The following SERBP1 variants were observed in gnomAD, a reference collection of about 807,000 sequenced individuals.
SERBP1 encodes the protein SERPINE1 mRNA binding protein 1.
Under a neutral mutation model 50.2 loss-of-function variants are expected in SERBP1, and 6 were observed. The ratio of observed to expected loss-of-function variants is 0.12; its 90% CI spans 0.07 to 0.24. SERBP1 has a LOEUF of 0.24. Among genes scored for constraint, SERBP1 ranks in the 10% least tolerant of loss-of-function variants. The pLI, the probability that SERBP1 is intolerant of heterozygous loss-of-function variation, is 1.00. For synonymous variants in SERBP1, 168 were observed against 182.8 expected, an observed-to-expected ratio of 0.92 and a Z score of 0.65; for missense variants, 346 against 524.9, an observed-to-expected ratio of 0.66 and a Z score of 3.33.
At chr1:67,418,478 C>A (rs1667097579) in intron 6 of SERBP1, among the ~76,000 whole-genome samples, 1 of 152,060 alleles carries the variant, frequency 6.6e-6, no homozygotes, top group South Asian at 2.1e-4. Context: ...TGCTTATTGG[C>A]TGGGCATGGT....
rs531555581 is a variant in SERBP1 at position 67,420,246 on chromosome 1, T to A, written c.774-60A>T. 6.7e-4 allele frequency: 858 copies of A among 1,284,470 alleles called. 7 individuals carry two copies. The highest frequency in any genetic ancestry group is 3.9e-5 in the Non-Finnish European group (36 of 929,986). The allele number at this position is 1,284,470 out of a possible 1,614,324, so 79.6% of individuals were successfully genotyped here. A position where few individuals can be genotyped will look rare whatever the true frequency, so the allele number is the denominator to read the frequency against. ...AGAGCTGATATTACATAAAAGTATT[T>A]TAAATTTATGATTTTAATTGAGAAA... On this transcript the variant is annotated intron_variant, in intron 5 of 7. Transcript: ENST00000361219.
intron 1 of SERBP1, among the ~76,000 whole-genome samples, 198 bp from the exon 2 acceptor site, chr1:67,426,483 C>T (rs1194328388): frequency 2.6e-5 from 4 of 152,120 alleles, no homozygotes; most frequent in Admixed American, 6.5e-5. Context: ...CCAATCCATA[C>T]CACCGACTAA....
chr1:67,426,534 AACTTCTATTT>A (rs1444930377), intron 1 of SERBP1, among the ~76,000 whole-genome samples: 1 of 152,258 alleles, frequency 6.6e-6, no homozygotes, highest in African/African-American at 2.4e-5. Flanking sequence ...ACTTATTTTA[AACTTCTATTT>A]AAGTTTGCCA....
At chr1:67,414,398 C>T (rs1024917772) in intron 7 of SERBP1, among the ~76,000 whole-genome samples, 1 of 152,006 alleles carries the variant, frequency 6.6e-6, no homozygotes. Context: ...GAGGGAGGAA[C>T]AAAGTATCAT....
chr1:67,428,808 C>A (rs1034230265), intron 1 of SERBP1, among the ~76,000 whole-genome samples: 12 of 150,478 alleles, frequency 8.0e-5, no homozygotes, highest in African/African-American at 2.7e-4. Flanking sequence ...AAAATTAGTT[C>A]ACTGTTACAG....
chr1:67,411,785 AAAC>A lies in SERBP1; in HGVS notation c.*1419_*1421del, dbSNP rs1221558659. ...AGAACATTTCTAAAAATGACGTGAC[AAAC>A]AATTCTTAAAAATTTTTTAAAAATT... On this transcript the variant is annotated 3_prime_UTR_variant, in exon 8 of 8. Transcript: ENST00000361219. 1 of 152,210 alleles carries A rather than the reference AAAC, an allele frequency of 6.6e-6. No individual in the cohort carries two copies. 9.4% of individuals were successfully genotyped at this position (152,210 alleles called of 1,614,324 possible). A position where few individuals can be genotyped will look rare whatever the true frequency, so the allele number is the denominator to read the frequency against.
intron 7 of SERBP1, among the ~76,000 whole-genome samples, chr1:67,413,579 G>A (rs1449378572): frequency 6.7e-6 from 1 of 150,216 alleles, no homozygotes; most frequent in Non-Finnish European, 1.5e-5. Flanking sequence ...AACCTGGGAG[G>A]CAAGGGTTGC....
chr1:67,426,126 A>T lies in SERBP1; in HGVS notation c.464+9T>A. ...CAAGACCCTGGCTCAAAAACAAGAA[A>T]CAACTTACCTATCAACTGAAAATTC... On this transcript the variant is annotated intron_variant, in intron 2 of 7. Transcript: ENST00000361219. The T allele has an allele frequency of 6.3e-7, 1 of 1,599,858 alleles. No individual in the cohort carries two copies. Among genetic ancestry groups the T allele is most frequent in the Non-Finnish European group, 8.5e-7 (1 of 1,174,862 alleles).
rs1301063307 is a variant in SERBP1, at chr1:67,413,187, G to C, written c.*20C>G. ...ACAGAAGGGTTCACAAAGGAACCAG[G>C]GTTGTCTTATGGCATCCAGTTAAGC... is the stretch of plus-strand genomic sequence containing the variant. On this transcript the variant is annotated 3_prime_UTR_variant, in exon 8 of 8. Transcript: ENST00000361219. 6.3e-7 allele frequency: 1 copy of C among 1,590,948 alleles called. No individual in the cohort carries two copies. The highest frequency in any genetic ancestry group is 8.5e-7 in the Non-Finnish European group (1 of 1,171,282).
At chr1:67,413,461 C>A (rs924672804) in intron 7 of SERBP1, among the ~76,000 whole-genome samples, 198 bp from the exon 8 acceptor site, 31 of 152,032 alleles carry the variant, frequency 2.0e-4, no homozygotes, top group African/African-American at 6.0e-4. Context: ...CCAGCCTGGC[C>A]AACATGGTGA....
chr1:67,415,364 G>A (rs1406006319), intron 6 of SERBP1, 25 bp from the exon 7 acceptor site: 1 of 1,514,566 alleles, frequency 6.6e-7, no homozygotes, highest in Non-Finnish European at 8.8e-7. Flanking sequence ...GAAGATGATT[G>A]TGTTATTAGT....
At chr1:67,416,568 G>A (rs984421674) in intron 6 of SERBP1, among the ~76,000 whole-genome samples, 5 of 152,116 alleles carry the variant, frequency 3.3e-5, no homozygotes, top group African/African-American at 1.2e-4. Context: ...TTTCTAAAGG[G>A]ATAAAGAACA....
chr1:67,430,051 G>C lies in SERBP1; in HGVS notation c.250C>G (p.Pro84Ala). Reference sequence around the variant, plus strand: ...TTCTTGTCAACCACGCCAACGCTGGGGGGCAGCGGGTTCTTGCGGTCTTTC... The same window carrying C: ...TTCTTGTCAACCACGCCAACGCTGGCGGGCAGCGGGTTCTTGCGGTCTTTC... ...SQKDRKNPLP[P>A]SVGVVDKKEE... is the part of the protein sequence containing the mutation. Residue 84 changes from proline (P) to alanine (A), a missense_variant, in exon 1 of 8, where the codon CCC becomes GCC. Coordinates refer to ENST00000361219, the MANE Select transcript of SERBP1 (RefSeq NM_001018069.2). The C allele has an allele frequency of 6.2e-7, 1 of 1,613,728 alleles. No homozygotes were observed. The highest frequency in any genetic ancestry group is 8.5e-7 in the Non-Finnish European group (1 of 1,179,816).
At chr1:67,415,454 A>C (rs1334616323) in intron 6 of SERBP1, 115 bp from the exon 7 acceptor site, 1 of 1,046,460 alleles carries the variant, frequency 9.6e-7, no homozygotes, top group Non-Finnish European at 1.4e-6. Context: ...ACTTTCTGTG[A>C]ACAAATGTCT....
chr1:67,426,434 G>C (rs1226181440), intron 1 of SERBP1, 149 bp from the exon 2 acceptor site: 7 of 606,492 alleles, frequency 1.2e-5, no homozygotes, highest in Non-Finnish European at 1.8e-5. Context: ...GTGTAACAAA[G>C]TACCTTAGGA....
intron 1 of SERBP1, among the ~76,000 whole-genome samples, chr1:67,426,671 T>C (rs899524927): frequency 1.3e-5 from 2 of 152,226 alleles, no homozygotes; most frequent in Non-Finnish European, 2.9e-5. Context: ...TAAAAAATTT[T>C]AGGCAAGCAA....
intron 5 of SERBP1, among the ~76,000 whole-genome samples, chr1:67,422,209 T>C (rs1667220829): frequency 6.6e-6 from 1 of 152,070 alleles, no homozygotes; most frequent in African/African-American, 2.4e-5. Context: ...TAAGAGCAAA[T>C]TCTTTCTGAA....
rs1666891852 is a variant in SERBP1, at chr1:67,413,085, G to A, written c.*122C>T. The A allele has an allele frequency of 4.7e-6, 6 of 1,277,214 alleles. No individual in the cohort carries two copies. The highest frequency in any genetic ancestry group is 3.6e-5 in the Admixed American group (1 of 27,830). The allele number at this position is 1,277,214 out of a possible 1,614,324, so 79.1% of individuals were successfully genotyped here. On this transcript the variant is annotated 3_prime_UTR_variant, in exon 8 of 8. Coordinates refer to ENST00000361219, the MANE Select transcript of SERBP1 (RefSeq NM_001018069.2). ...AACAGATAAAATTCAGTCTTTAGGTGTGAATGGTATGAATGACAGTCTTTT... is the reference window on the plus strand; with the variant it reads ...AACAGATAAAATTCAGTCTTTAGGTATGAATGGTATGAATGACAGTCTTTT...
At chr1:67,420,583 T>C (rs771080641) in intron 5 of SERBP1, 4 of 159,288 alleles carry the variant, frequency 2.5e-5, no homozygotes, top group Non-Finnish European at 4.1e-5. Flanking sequence ...TCCCACAATA[T>C]GTAACTCTTA....
Sources: allele counts gnomAD v4.1 joint callset (sites outside exome capture counted in the v4.1 genomes callset), GRCh38; gene constraint gnomAD v4.1.1; transcripts MANE v1.5; gene names NCBI Gene and HGNC (gene_info 2026-07-23, HGNC 2026-07-21).